Variants in ENTPD2 observed in about 807,000 individuals in gnomAD.
ENTPD2 encodes the protein CD39 antigen-like 1.
A neutral mutation model predicts 46.8 loss-of-function variants in ENTPD2; 48 were observed. The ratio of observed to expected loss-of-function variants is 1.03; its 90% CI spans 0.81 to 1.30. ENTPD2 has a LOEUF of 1.30. Ranked by LOEUF, ENTPD2 falls within the 50% of genes most tolerant of loss-of-function variation. ENTPD2 has a pLI of 0.00. For missense variants in ENTPD2, 707 were observed against 651.1 expected, an observed-to-expected ratio of 1.09 and a Z score of -0.93; for synonymous variants, 316 against 286.1, an observed-to-expected ratio of 1.10 and a Z score of -1.06.
Position 137,050,491 on chromosome 9 carries a change from C to T in ENTPD2, c.822G>A (p.Val274=). The change falls in exon 6 of 9, where the codon GTG becomes GTA. Residue 274 remains valine, a synonymous_variant. Coordinates refer to ENST00000355097, the MANE Select transcript of ENTPD2 (RefSeq NM_203468.3). The part of the protein sequence containing the change: ...PCWPRGFSTQ[V]LLGDVYQSPC... Reference sequence around the variant, plus strand: ...GTGACTGGTACACATCCCCGAGCAGCACTTGGGTGGAAAAGCCCCTCGGCC... The same window carrying T: ...GTGACTGGTACACATCCCCGAGCAGTACTTGGGTGGAAAAGCCCCTCGGCC... 6.2e-7 allele frequency: 1 copy of T among 1,612,838 alleles called. No homozygotes were observed. The highest frequency in any genetic ancestry group is 1.3e-5 in the African/African-American group (1 of 75,054).
chr9:137,048,914 G>GCCCCCCCC, intron 8 of ENTPD2, 27 bp downstream of exon 8: 5 of 1,471,996 alleles, frequency 3.4e-6, no homozygotes, highest in Non-Finnish European at 4.5e-6. Context: ...CGCAAGGTCG[G>GCCCCCCCC]CCCCGCCCCG....
chr9:137,052,385 C>A, intron 1 of ENTPD2, 37 bp from the exon 2 acceptor site: 2 of 1,379,966 alleles, frequency 1.4e-6, no homozygotes, highest in Non-Finnish European at 2.0e-6. Flanking sequence ...CTGGGGTGTC[C>A]GGGGGCCCTG....
At position 137,051,304 on chromosome 9, in the gene ENTPD2, G is replaced by C; in HGVS notation, c.453C>G (p.Pro151=). ...GGATGCGTGCACCCCGGAAGTCAAA[G>C]GGGTACTGGGTCAGTGTGTGAGTCA... ...MAVTHTLTQY[P]FDFRGARILS... Residue 151 remains proline, a synonymous_variant, in exon 4 of 9, where the codon CCC becomes CCG. Transcript: ENST00000355097. 1.2e-6 allele frequency: 2 copies of C among 1,606,938 alleles called. No individual in the cohort carries two copies. The highest frequency in any genetic ancestry group is 8.5e-7 in the Non-Finnish European group (1 of 1,176,374).
chr9:137,052,079 G>C (rs977652841), intron 2 of ENTPD2, 152 bp downstream of exon 2: 2 of 711,456 alleles, frequency 2.8e-6, no homozygotes, highest in Non-Finnish European at 4.7e-6. Flanking sequence ...CCACTCAGGC[G>C]CAGGGGCACC....
chr9:137,050,620 C>T, intron 5 of ENTPD2, 82 bp from the exon 6 acceptor site: 1 of 1,528,440 alleles, frequency 6.5e-7, no homozygotes, highest in Non-Finnish European at 8.8e-7. Flanking sequence ...AGGTCTCACT[C>T]TGGCAACTTC....
At position 137,050,517 on chromosome 9, in the gene ENTPD2, A is replaced by T. The variant is rs1440273098; in HGVS notation, c.796T>A (p.Trp266Arg). 1 of 1,612,662 alleles carries T rather than the reference A, an allele frequency of 6.2e-7. No individual in the cohort carries two copies. The highest frequency in any genetic ancestry group is 8.5e-7 in the Non-Finnish European group (1 of 1,179,906). ...ALQTHGFHPC[W>R]PRGFSTQVLL... ...ACTTGGGTGGAAAAGCCCCTCGGCC[A>T]GCAGGGGTGGAAGCCGTGGGTCTGG... Residue 266 changes from tryptophan (W) to arginine (R), a missense_variant, in exon 6 of 9, where the codon TGG becomes AGG. Physicochemically the swap from Trp to Arg is moderately radical, Grantham distance 101. Coordinates refer to ENST00000355097, the MANE Select transcript of ENTPD2 (RefSeq NM_203468.3).
intron 5 of ENTPD2, 38 bp downstream of exon 5, chr9:137,050,864 G>C: frequency 6.3e-7 from 1 of 1,595,964 alleles, no homozygotes; most frequent in Non-Finnish European, 8.5e-7. Flanking sequence ...CTCCAGGAGG[G>C]AACAGTGCAG....
chr9:137,052,078 C>T (rs768661550), intron 2 of ENTPD2, among the ~76,000 whole-genome samples, 153 bp downstream of exon 2: 11 of 152,192 alleles, frequency 7.2e-5, no homozygotes, highest in East Asian at 1.9e-4. Flanking sequence ...CCCACTCAGG[C>T]GCAGGGGCAC....
At position 137,048,752 on chromosome 9, in the gene ENTPD2, C is replaced by T; in HGVS notation, c.1393G>A (p.Val465Ile). The T allele has an allele frequency of 6.2e-7, 1 of 1,603,436 alleles. No individual in the cohort carries two copies. Among genetic ancestry groups the T allele is most frequent in the Non-Finnish European group, 8.5e-7 (1 of 1,175,470 alleles). ...GAGGCGAAGAGCAGCAGGAGGACGA[C>T]CCAGGAGCTGAAGTCTGTGCCCTTG... ...LRKGTDFSSWVVLLLLFASAL... is the reference protein window; with the variant it reads ...LRKGTDFSSWIVLLLLFASAL... Residue 465 changes from valine to isoleucine, a missense_variant, in exon 9 of 9, where the codon GTC becomes ATC. Physicochemically the swap from Val to Ile is conservative, Grantham distance 29 (BLOSUM62 3). Coordinates refer to ENST00000355097, the MANE Select transcript of ENTPD2 (RefSeq NM_203468.3).
At chr9:137,052,431 A>G in intron 1 of ENTPD2, 83 bp from the exon 2 acceptor site, 1 of 1,125,372 alleles carries the variant, frequency 8.9e-7, no homozygotes, top group Non-Finnish European at 1.2e-6. Context: ...GGGTTCCTCC[A>G]GTTTGCCACC....
rs773379719 is a variant in ENTPD2 at position 137,049,852 on chromosome 9, A to G, written c.1149+18T>C. 112 of 1,604,952 alleles carry G rather than the reference A, an allele frequency of 7.0e-5. No individual in the cohort carries two copies. Among genetic ancestry groups the G allele is most frequent in the Non-Finnish European group, 8.9e-5 (105 of 1,176,140 alleles). The stretch of plus-strand genomic sequence containing the variant: ...GAGCCCTTCCGCACAGCCCTGAAGG[A>G]GTGGGAGCGGGGCTCACCTGAGCCC... On this transcript the variant is annotated intron_variant, in intron 7 of 8. Coordinates refer to ENST00000355097, the MANE Select transcript of ENTPD2 (RefSeq NM_203468.3).
chr9:137,051,353 G>T lies in ENTPD2; in HGVS notation c.404C>A (p.Ala135Asp), dbSNP rs770757778. The change falls in exon 4 of 9, where the codon GCC (alanine) becomes GAC (aspartate). Residue 135 changes from alanine to aspartate, a missense_variant. By Grantham distance (126) the Ala-to-Asp change is moderately radical. Transcript: ENST00000355097. ...MRLLNLTNPE[A>D]STSVLMAVTH... is the part of the protein sequence containing the mutation. ...CACTGCCATGAGCACACTGGTCGAG[G>T]CCTCTGGATTGGTCAGGCTGCAAAA... 2 of 1,560,722 alleles carry T rather than the reference G, an allele frequency of 1.3e-6. No individual in the cohort carries two copies. The highest frequency in any genetic ancestry group is 1.8e-5 in the Admixed American group (1 of 54,118).
chr9:137,052,541 G>C (rs538520078), intron 1 of ENTPD2, 193 bp from the exon 2 acceptor site: 4 of 525,462 alleles, frequency 7.6e-6, no homozygotes, highest in Admixed American at 3.1e-5. Context: ...ACAGGGAGGT[G>C]GTGGGGAGGT....
At chr9:137,051,840 G>C (rs1328044443) in intron 2 of ENTPD2, among the ~76,000 whole-genome samples, 180 bp from the exon 3 acceptor site, 1 of 152,230 alleles carries the variant, frequency 6.6e-6, no homozygotes, top group East Asian at 1.9e-4. Context: ...GCCACCCGGA[G>C]ACCAAGGCTG....
intron 2 of ENTPD2, 138 bp from the exon 3 acceptor site, chr9:137,051,798 A>C: frequency 1.1e-5 from 15 of 1,324,808 alleles, no homozygotes; most frequent in East Asian, 2.6e-5. Flanking sequence ...AGCCCCCAGA[A>C]ACGCCCAGGT....
Position 137,051,363 on chromosome 9 carries a change from T to C in ENTPD2, c.394A>G (p.Asn132Asp). Residue 132 changes from asparagine to aspartate, a missense_variant, in exon 4 of 9, where the codon AAT (asparagine) becomes GAT (aspartate). Coordinates refer to ENST00000355097, the MANE Select transcript of ENTPD2 (RefSeq NM_203468.3). ...TAGMRLLNLTNPEASTSVLMA... is the reference protein window; with the variant it reads ...TAGMRLLNLTDPEASTSVLMA... ...AGCACACTGGTCGAGGCCTCTGGAT[T>C]GGTCAGGCTGCAAAACACAGAGAAC... The C allele has an allele frequency of 6.4e-7, 1 of 1,552,696 alleles. No individual in the cohort carries two copies. Among genetic ancestry groups the C allele is most frequent in the Non-Finnish European group, 8.7e-7 (1 of 1,147,370 alleles).
intron 1 of ENTPD2, 38 bp from the exon 2 acceptor site, chr9:137,052,386 G>T: frequency 7.1e-7 from 1 of 1,398,998 alleles, no homozygotes; most frequent in South Asian, 1.2e-5. Flanking sequence ...TGGGGTGTCC[G>T]GGGGCCCTGA....
chr9:137,050,885 C>T lies in ENTPD2; in HGVS notation c.774+17G>A. 6.2e-7 allele frequency: 1 copy of T among 1,607,212 alleles called. No individual in the cohort carries two copies. Among genetic ancestry groups the T allele is most frequent in the South Asian group, 1.1e-5 (1 of 90,896 alleles). Reference sequence around the variant, plus strand: ...GAGGGAACAGTGCAGTGCAGGTGAGCCAGGGTGGAGGGGCACCTGGAGGGC... The same window carrying T: ...GAGGGAACAGTGCAGTGCAGGTGAGTCAGGGTGGAGGGGCACCTGGAGGGC... On this transcript the variant is annotated intron_variant, in intron 5 of 8. Coordinates refer to ENST00000355097, the MANE Select transcript of ENTPD2 (RefSeq NM_203468.3).
chr9:137,049,184 C>T (rs938725160), intron 7 of ENTPD2, 109 bp from the exon 8 acceptor site: 5 of 1,509,178 alleles, frequency 3.3e-6, no homozygotes, highest in Admixed American at 3.9e-5. Flanking sequence ...ACACACGGGC[C>T]GTGCGAGGCC....
Sources: allele counts gnomAD v4.1 joint callset (sites outside exome capture counted in the v4.1 genomes callset), GRCh38; gene constraint gnomAD v4.1.1; transcripts MANE v1.5; gene names NCBI Gene and HGNC (gene_info 2026-07-23, HGNC 2026-07-21).